Variants in CSMD1 observed in about 807,000 individuals in gnomAD.
The protein encoded by CSMD1 is CUB and sushi domain-containing protein 1.
Under a neutral mutation model 417.5 loss-of-function variants are expected in CSMD1, and 213 were observed. The observed-to-expected ratio is 0.51, with a 90% CI of 0.46 to 0.57. CSMD1 has a LOEUF of 0.57. Among genes scored for constraint, CSMD1 ranks in the 20% least tolerant of loss-of-function variants. The pLI is 0.00. For synonymous variants in CSMD1, 2,862 were observed against 1,736.8 expected, an observed-to-expected ratio of 1.65 and a Z score of -16.11; for missense variants, 6,923 against 4,529.7, an observed-to-expected ratio of 1.53 and a Z score of -15.17.
intron 2 of CSMD1, among the ~76,000 whole-genome samples, chr8:4,497,068 T>G (rs1310114933): frequency 6.6e-6 from 1 of 152,178 alleles, no homozygotes; most frequent in Non-Finnish European, 1.5e-5. Flanking sequence ...CTTCTGTGAG[T>G]ACTGCTAGAC....
At chr8:4,936,785 C>G (rs1172591436) in intron 1 of CSMD1, among the ~76,000 whole-genome samples, 5 of 152,174 alleles carry the variant, frequency 3.3e-5, no homozygotes, top group African/African-American at 1.2e-4. Flanking sequence ...CTAAAACACA[C>G]TCAAATAAAA....
In CSMD1 at chr8:3,406,320, T is replaced by C. The variant is rs566744761; in HGVS notation, c.2072-99A>G. On this transcript the variant is annotated intron_variant, in intron 14 of 69. Coordinates refer to ENST00000635120, the MANE Select transcript of CSMD1 (RefSeq NM_033225.6). ...ACAGAACAAGCTTATAAAGCATTCA[T>C]ATAATGTATATAATTATATAAATTT... The C allele has an allele frequency of 8.4e-6, 7 of 832,742 alleles. No individual in the cohort carries two copies. The East Asian group carries it at 1.4e-4, about 16-fold the overall frequency. The allele number at this position is 832,742 out of a possible 1,614,324, so 51.6% of individuals were successfully genotyped here.
chr8:4,192,522 G>C (rs187977106), intron 3 of CSMD1, among the ~76,000 whole-genome samples: 2 of 151,774 alleles, frequency 1.3e-5, no homozygotes, highest in African/African-American at 4.9e-5. Context: ...AATACCCCCT[G>C]ACCTTTCAGC....
chr8:4,194,851 A>C (rs1373020777), intron 3 of CSMD1, among the ~76,000 whole-genome samples: 1 of 152,112 alleles, frequency 6.6e-6, no homozygotes, highest in African/African-American at 2.4e-5. Flanking sequence ...AGGATCTCCC[A>C]CTGTATTATA....
chr8:4,604,955 C>G (rs868121646), intron 2 of CSMD1, among the ~76,000 whole-genome samples: 9 of 152,112 alleles, frequency 5.9e-5, no homozygotes, highest in African/African-American at 2.2e-4. Flanking sequence ...GTAATTTGTT[C>G]TTGTGGGTCT....
intron 36 of CSMD1, among the ~76,000 whole-genome samples, chr8:3,182,337 C>A (rs1179455635): frequency 6.6e-6 from 1 of 152,152 alleles, no homozygotes; most frequent in East Asian, 1.9e-4. Context: ...GCCTCAGCTT[C>A]CCAAGTAGCT....
chr8:4,605,033 C>A (rs1734482126), intron 2 of CSMD1, among the ~76,000 whole-genome samples: 1 of 152,290 alleles, frequency 6.6e-6, no homozygotes, highest in Non-Finnish European at 1.5e-5. Context: ...CCCATGATAT[C>A]TGTGGCTGGC....
chr8:4,802,209 C>G (rs114577896), intron 1 of CSMD1, among the ~76,000 whole-genome samples: 280 of 152,296 alleles, frequency 1.8e-3, no homozygotes, highest in African/African-American at 6.4e-3. Flanking sequence ...CATTTTGCAT[C>G]AAAGTACAAT....
chr8:4,140,454 A>C (rs1309331828), intron 3 of CSMD1, among the ~76,000 whole-genome samples: 1 of 150,816 alleles, frequency 6.6e-6, no homozygotes, highest in Non-Finnish European at 1.5e-5. Context: ...GCCAAGATCA[A>C]ACATTTGCAC....
intron 5 of CSMD1, among the ~76,000 whole-genome samples, chr8:3,982,519 C>G (rs941994947): frequency 6.6e-6 from 1 of 151,862 alleles, no homozygotes; most frequent in Non-Finnish European, 1.5e-5. Flanking sequence ...AAATTATGTG[C>G]ATACCATTTA....
intron 3 of CSMD1, among the ~76,000 whole-genome samples, chr8:4,139,586 G>A (rs1200380882): frequency 2.6e-4 from 39 of 151,204 alleles, no homozygotes; most frequent in Non-Finnish European, 1.5e-5. Flanking sequence ...CTATGGAACT[G>A]AGTGGGCATC....
chr8:4,086,669 C>A (rs919089518), intron 3 of CSMD1, among the ~76,000 whole-genome samples: 4 of 152,220 alleles, frequency 2.6e-5, no homozygotes, highest in Non-Finnish European at 1.5e-5. Context: ...CTCATTCATT[C>A]ATCAAGTATT....
chr8:4,045,235 G>A (rs1183638494), intron 3 of CSMD1, among the ~76,000 whole-genome samples: 3 of 152,186 alleles, frequency 2.0e-5, no homozygotes, highest in Non-Finnish European at 2.9e-5. Context: ...TCCCATTAAT[G>A]AGCTTAGGAG....
At chr8:3,479,028 C>T (rs146334426) in intron 11 of CSMD1, among the ~76,000 whole-genome samples, 2 of 152,130 alleles carry the variant, frequency 1.3e-5, no homozygotes, top group African/African-American at 2.4e-5. Flanking sequence ...CAACCCCATG[C>T]ACTCCAAGCC....
chr8:4,372,961 G>T (rs1802487624), intron 3 of CSMD1, among the ~76,000 whole-genome samples: 2 of 152,142 alleles, frequency 1.3e-5, no homozygotes, highest in South Asian at 2.1e-4. Flanking sequence ...AGTGCAGTGT[G>T]GCAAGAGGAA....
At chr8:4,467,612 A>G (rs1800262776) in intron 2 of CSMD1, among the ~76,000 whole-genome samples, 1 of 152,220 alleles carries the variant, frequency 6.6e-6, no homozygotes, top group African/African-American at 2.4e-5. Context: ...GTGCATTATA[A>G]CAATTCTTTT....
At chr8:4,237,339 C>A (rs1648101910) in intron 3 of CSMD1, among the ~76,000 whole-genome samples, 1 of 151,918 alleles carries the variant, frequency 6.6e-6, no homozygotes, top group Non-Finnish European at 1.5e-5. Context: ...ATAAACTAAT[C>A]CTTCAACAGA....
intron 5 of CSMD1, among the ~76,000 whole-genome samples, chr8:3,967,578 C>A (rs1311809938): frequency 3.3e-5 from 5 of 152,062 alleles, no homozygotes; most frequent in African/African-American, 1.2e-4. Context: ...CCAGCTTGAC[C>A]TCTGTGTAGA....
At chr8:4,428,184 C>G (rs1229087625) in intron 2 of CSMD1, among the ~76,000 whole-genome samples, 3 of 152,316 alleles carry the variant, frequency 2.0e-5, no homozygotes, top group East Asian at 1.9e-4. Flanking sequence ...AAAAGGAAAA[C>G]AAACCCATGT....
Sources: gnomAD v4.1 joint callset for allele counts (sites outside exome capture counted in the v4.1 genomes callset) on GRCh38, gnomAD v4.1.1 for gene constraint, MANE v1.5 for transcripts, NCBI Gene and HGNC (gene_info 2026-07-23, HGNC 2026-07-21) for gene names.